The following PP2D1 variants were observed in gnomAD, a reference collection of about 807,000 sequenced individuals.
PP2D1 encodes the protein protein phosphatase 2C like domain containing 1, also known as protein phosphatase 2C-like domain-containing protein 1.
In PP2D1, 25 loss-of-function variants were observed where a neutral mutation model predicts 30.2. That is an observed-to-expected ratio of 0.83 (90% CI 0.60 to 1.16). PP2D1 has a LOEUF of 1.16. Ranked by LOEUF, PP2D1 falls within the 50% of genes most tolerant of loss-of-function variation. The pLI, the probability that PP2D1 is intolerant of heterozygous loss-of-function variation, is 0.00. For synonymous variants in PP2D1, 260 were observed against 258.9 expected (o/e 1.00, Z -0.04); for missense variants, 760 against 742.4 (o/e 1.02, Z -0.28).
At position 20,012,087 on chromosome 3, in the gene PP2D1, AC is replaced by A; in HGVS notation, c.-16del. 6.5e-7 allele frequency: 1 copy of A among 1,530,998 alleles called. No individual in the cohort carries two copies. The highest frequency in any genetic ancestry group is 1.4e-5 in the African/African-American group (1 of 72,924). 94.8% of individuals were successfully genotyped at this position (1,530,998 alleles called of 1,614,324 possible). ...TTGGTGCTCATGTTCCTTTGGAATT[AC>A]CTTTCTTTGCCCTCCCTTTATCCCC... On this transcript the variant is annotated 5_prime_UTR_variant, in exon 1 of 3. Transcript: ENST00000389050.
intron 2 of PP2D1, among the ~76,000 whole-genome samples, chr3:19,991,784 A>G (rs891025497): frequency 2.0e-5 from 3 of 152,196 alleles, no homozygotes; most frequent in Non-Finnish European, 4.4e-5. Flanking sequence ...CAAGAAGAGA[A>G]AAGCAGGTAG....
In PP2D1 at chr3:19,989,740, C is replaced by T. The variant is rs1006386203; in HGVS notation, c.1091-3558G>A. Among the ~76,000 whole-genome samples the T allele has an allele frequency of 3.9e-5, 6 of 152,122 alleles. No homozygotes were observed. In the South Asian group the frequency reaches 6.2e-4, roughly 16 times the overall value. On this transcript the variant is annotated intron_variant, in intron 2 of 2. Coordinates refer to ENST00000389050, the MANE Select transcript of PP2D1 (RefSeq NM_001252657.2). ...AAATTTTTACGTGTGTGCATACATA[C>T]GAATTGTACGGCCATAGCTCTGAAA...
In PP2D1 at chr3:19,985,514, T is replaced by C. The variant is rs1697015690; in HGVS notation, c.1759A>G (p.Lys587Glu). 14 of 1,535,954 alleles carry C rather than the reference T, an allele frequency of 9.1e-6. No homozygotes were observed. Among genetic ancestry groups the C allele is most frequent in the East Asian group, 4.9e-5 (2 of 40,922 alleles). The change falls in exon 3 of 3, where the codon AAG becomes GAG. Residue 587 changes from lysine (K) to glutamate (E), a missense_variant. Coordinates refer to ENST00000389050, the MANE Select transcript of PP2D1 (RefSeq NM_001252657.2). ...VATNEKESDTKSFYEGAAEYV... is the reference protein window; with the variant it reads ...VATNEKESDTESFYEGAAEYV... ...TCAGCTGCGCCTTCATAGAAACTCT[T>C]AGTGTCTGATTCTTTTTCATTTGTT...
downstream of PP2D1, among the ~76,000 whole-genome samples, chr3:19,982,395 T>C (rs1451466151): frequency 6.6e-6 from 1 of 152,226 alleles, no homozygotes; most frequent in Non-Finnish European, 1.5e-5. Flanking sequence ...TCCAGTATGC[T>C]AAGTTTTGAC....
At chr3:19,982,124 G>A (rs1033283495), downstream of PP2D1, among the ~76,000 whole-genome samples, 1 of 151,718 alleles carries the variant, frequency 6.6e-6, no homozygotes, top group Non-Finnish European at 1.5e-5. Context: ...TGTAGTCTCA[G>A]CTACTTGGAA....
At chr3:20,006,976 C>CATATATATAT (rs1264743869) in intron 1 of PP2D1, among the ~76,000 whole-genome samples, 1 of 146,272 alleles carries the variant, frequency 6.8e-6, no homozygotes, top group Admixed American at 7.1e-5. Flanking sequence ...TATATATACA[C>CATATATATAT]ACATATATAT....
intron 1 of PP2D1, among the ~76,000 whole-genome samples, chr3:20,009,444 G>C (rs1697360436): frequency 2.0e-5 from 3 of 152,126 alleles, no homozygotes; most frequent in African/African-American, 7.2e-5. Flanking sequence ...CTGGGTGACA[G>C]ACTGAGACCC....
At chr3:19,985,222 A>G (rs1559495222), downstream of PP2D1, 4 of 587,668 alleles carry the variant, frequency 6.8e-6, no homozygotes, top group Admixed American at 3.6e-5. Context: ...AACAGTGAAT[A>G]TATATAAATG....
chr3:19,988,084 A>G (rs1697064920), intron 2 of PP2D1, among the ~76,000 whole-genome samples: 1 of 152,190 alleles, frequency 6.6e-6, no homozygotes, highest in Non-Finnish European at 1.5e-5. Flanking sequence ...CAAATTGTTC[A>G]TAAACCATGT....
chr3:19,998,748 ATATAT>A (rs1697214111), intron 2 of PP2D1, among the ~76,000 whole-genome samples: 1 of 152,222 alleles, frequency 6.6e-6, no homozygotes, highest in African/African-American at 2.4e-5. Context: ...GATGACATTG[ATATAT>A]TATGAATTTT....
downstream of PP2D1, among the ~76,000 whole-genome samples, chr3:19,983,345 C>CAG (rs1553640227): frequency 2.2e-5 from 2 of 92,120 alleles, no homozygotes; most frequent in African/African-American, 4.1e-5. Flanking sequence ...GACTACATCT[C>CAG]AAAAAAAAAA....
intron 2 of PP2D1, among the ~76,000 whole-genome samples, chr3:19,992,397 T>C (rs1387997444): frequency 6.6e-6 from 1 of 152,084 alleles, no homozygotes; most frequent in Non-Finnish European, 1.5e-5. Flanking sequence ...AAAATGTCAG[T>C]GTTAAGAATT....
At chr3:19,984,276 A>T (rs1321690735), downstream of PP2D1, 1 of 429,934 alleles carries the variant, frequency 2.3e-6, no homozygotes, top group Non-Finnish European at 4.5e-6. Context: ...TATTCAGGCA[A>T]ATGTTCATTT....
rs1336359091 is a variant in PP2D1, at chr3:19,986,004, A to G, written c.1269T>C (p.His423=). 5 of 1,536,110 alleles carry G rather than the reference A, an allele frequency of 3.3e-6. No individual in the cohort carries two copies. Among genetic ancestry groups the G allele is most frequent in the Non-Finnish European group, 2.6e-6 (3 of 1,146,880 alleles). ...TGGATTTTTTCAGCTTGAGATTTCC[A>G]TGAAATCCAAGTCCTCGTGTAGTTT... ...QVKTTRGLGF[H]GNLKLKKSII... Residue 423 remains histidine, a synonymous_variant, in exon 3 of 3, where the codon CAT becomes CAC. Transcript: ENST00000389050.
At chr3:20,005,307 C>A (rs914061612) in intron 1 of PP2D1, among the ~76,000 whole-genome samples, 3 of 151,810 alleles carry the variant, frequency 2.0e-5, no homozygotes, top group Non-Finnish European at 4.4e-5. Flanking sequence ...CATGCACCAC[C>A]ACACCTGGCT....
At chr3:20,010,336 T>C (rs933182215) in intron 1 of PP2D1, among the ~76,000 whole-genome samples, 8 of 152,130 alleles carry the variant, frequency 5.3e-5, no homozygotes, top group Admixed American at 5.2e-4. Flanking sequence ...CCTCAAGTGA[T>C]CTGCCCACCT....
chr3:20,011,248 T>A (rs1697382431), intron 1 of PP2D1, among the ~76,000 whole-genome samples: 1 of 152,264 alleles, frequency 6.6e-6, no homozygotes, highest in South Asian at 2.1e-4. Flanking sequence ...CTTTGAGAGC[T>A]TTTGGCCAAA....
At chr3:19,990,374 G>A (rs968517039) in intron 2 of PP2D1, among the ~76,000 whole-genome samples, 1 of 152,104 alleles carries the variant, frequency 6.6e-6, no homozygotes, top group African/African-American at 2.4e-5. Flanking sequence ...TCAAACTCCT[G>A]GGCTCAATCG....
chr3:19,997,696 A>G (rs1697199068), intron 2 of PP2D1, among the ~76,000 whole-genome samples: 1 of 152,192 alleles, frequency 6.6e-6, no homozygotes, highest in African/African-American at 2.4e-5. Flanking sequence ...AAAGAAGGAA[A>G]TTCTGTCATT....
Sources: allele counts gnomAD v4.1 joint callset (sites outside exome capture counted in the v4.1 genomes callset), GRCh38; gene constraint gnomAD v4.1.1; transcripts MANE v1.5; gene names NCBI Gene and HGNC (gene_info 2026-07-23, HGNC 2026-07-21).